KLHL1: variants seen among roughly 807,000 people sequenced by gnomAD.
KLHL1 encodes kelch like family member 1.
A neutral mutation model predicts 77.7 loss-of-function variants in KLHL1; 47 were observed. That is an observed-to-expected ratio of 0.60 (90% CI 0.48 to 0.77). The LOEUF is 0.77. Ranked by LOEUF, KLHL1 falls within the 30% of genes least tolerant of loss-of-function variation. The pLI, the probability that KLHL1 is intolerant of heterozygous loss-of-function variation, is 0.00. For synonymous variants in KLHL1, 360 were observed against 325.2 expected (o/e 1.11, Z -1.15); for missense variants, 925 against 910.8 (o/e 1.02, Z -0.20).
At chr13:69,710,161 T>C (rs1875811781) in intron 9 of KLHL1, among the ~76,000 whole-genome samples, 2 of 151,804 alleles carry the variant, frequency 1.3e-5, no homozygotes, top group Non-Finnish European at 2.9e-5. Context: ...AATAAACTAA[T>C]TTCCAAAGGT....
rs996027717 is a variant in KLHL1 at position 69,876,960 on chromosome 13, C to T, written c.1227+5323G>A. ...GCTGAGGCAGGAGAATCGCTTGAAC[C>T]TGCGAGGCAGAGGTTGCAGTGAGCC... On this transcript the variant is annotated intron_variant, in intron 5 of 10. Coordinates refer to ENST00000377844, the MANE Select transcript of KLHL1 (RefSeq NM_020866.3). Among the ~76,000 whole-genome samples the T allele has an allele frequency of 4.5e-4, 68 of 152,226 alleles. 1 individual carries two copies. Among genetic ancestry groups the T allele is most frequent in the African/African-American group, 1.5e-3 (63 of 41,540 alleles).
intron 1 of KLHL1, 95 bp from the exon 2 acceptor site, chr13:69,975,897 T>C: frequency 7.5e-7 from 1 of 1,338,798 alleles, no homozygotes; most frequent in Non-Finnish European, 9.6e-7. Flanking sequence ...TTTATCATTT[T>C]CTTAAGAAAA....
At chr13:69,755,093 C>G (rs1206258258) in intron 7 of KLHL1, among the ~76,000 whole-genome samples, 4 of 152,004 alleles carry the variant, frequency 2.6e-5, no homozygotes, top group African/African-American at 9.7e-5. Context: ...GGAGGTGGAG[C>G]CTGGTGGGAA....
chr13:69,865,459 T>G (rs766583454), intron 5 of KLHL1, among the ~76,000 whole-genome samples: 11 of 152,190 alleles, frequency 7.2e-5, no homozygotes, highest in Non-Finnish European at 1.5e-4. Flanking sequence ...GTTATTTACA[T>G]GTAAATGATG....
intron 6 of KLHL1, among the ~76,000 whole-genome samples, chr13:69,826,781 T>TG (rs11372220): frequency 0.23 from 34,759 of 151,966 alleles, 5,331 homozygotes; most frequent in African/African-American, 0.44. Context: ...GTTTTTTTCA[T>TG]TAAATAATGT....
At chr13:70,032,177 A>C (rs1294851436) in intron 1 of KLHL1, among the ~76,000 whole-genome samples, 2 of 152,194 alleles carry the variant, frequency 1.3e-5, no homozygotes, top group African/African-American at 2.4e-5. Context: ...TAGCACACTT[A>C]ATAGATGCTA....
intron 1 of KLHL1, among the ~76,000 whole-genome samples, chr13:70,087,571 T>C (rs1486092091): frequency 6.6e-6 from 1 of 150,538 alleles, no homozygotes; most frequent in African/African-American, 2.4e-5. Context: ...AACTTAGTTG[T>C]GATGAGAACA....
intron 4 of KLHL1, among the ~76,000 whole-genome samples, chr13:69,889,182 C>T (rs749112796): frequency 6.6e-6 from 1 of 152,034 alleles, no homozygotes; most frequent in Non-Finnish European, 1.5e-5. Context: ...TGACATATTG[C>T]TGTCAAGATT....
chr13:70,001,535 T>G (rs2137325970), intron 1 of KLHL1, among the ~76,000 whole-genome samples: 1 of 151,308 alleles, frequency 6.6e-6, no homozygotes, highest in South Asian at 2.1e-4. Flanking sequence ...TTATTTCAGG[T>G]TTGCAAGAAC....
At chr13:69,901,942 C>T (rs956107850) in intron 4 of KLHL1, among the ~76,000 whole-genome samples, 2 of 151,958 alleles carry the variant, frequency 1.3e-5, no homozygotes, top group Non-Finnish European at 2.9e-5. Context: ...GGGTTACAAG[C>T]ATGTACCACC....
intron 4 of KLHL1, among the ~76,000 whole-genome samples, chr13:69,920,409 T>C (rs1408042276): frequency 6.6e-6 from 1 of 152,042 alleles, no homozygotes; most frequent in Non-Finnish European, 1.5e-5. Context: ...CAGTACCCAA[T>C]AAAATGGTAT....
chr13:69,925,442 C>T (rs1882783816), intron 4 of KLHL1, among the ~76,000 whole-genome samples: 1 of 152,050 alleles, frequency 6.6e-6, no homozygotes, highest in Non-Finnish European at 1.5e-5. Context: ...AATTGTAATT[C>T]TTTGCTTTTT....
At chr13:69,998,370 G>C (rs961351595) in intron 1 of KLHL1, among the ~76,000 whole-genome samples, 11 of 151,934 alleles carry the variant, frequency 7.2e-5, no homozygotes, top group Admixed American at 2.0e-4. Flanking sequence ...TTGTGTGGGA[G>C]CACAATTATA....
chr13:69,959,338 A>T (rs1454297123), intron 3 of KLHL1, among the ~76,000 whole-genome samples: 2 of 151,958 alleles, frequency 1.3e-5, no homozygotes, highest in Non-Finnish European at 2.9e-5. Context: ...AGGATTCCTA[A>T]AATGTTAGCT....
At chr13:69,948,779 T>A (rs1386936674) in intron 3 of KLHL1, among the ~76,000 whole-genome samples, 2 of 152,012 alleles carry the variant, frequency 1.3e-5, no homozygotes, top group African/African-American at 2.4e-5. Context: ...AGAGTATCCA[T>A]CTTTCATCTA....
intron 4 of KLHL1, among the ~76,000 whole-genome samples, chr13:69,888,848 A>G (rs1289386752): frequency 6.6e-6 from 1 of 152,058 alleles, no homozygotes; most frequent in Non-Finnish European, 1.5e-5. Context: ...AAAAATCTCA[A>G]ATAAACTTAA....
intron 1 of KLHL1, among the ~76,000 whole-genome samples, chr13:69,988,114 C>G (rs1884926215): frequency 2.6e-5 from 4 of 151,810 alleles, no homozygotes; most frequent in African/African-American, 7.3e-5. Context: ...CTCCTTCCTC[C>G]CATCCTACAC....
chr13:70,084,281 T>C (rs1264807744), intron 1 of KLHL1, among the ~76,000 whole-genome samples: 2 of 152,144 alleles, frequency 1.3e-5, no homozygotes, highest in Non-Finnish European at 2.9e-5. Context: ...CTAAGTACTT[T>C]ATAACTATAC....
At chr13:69,869,055 A>G (rs1397333460) in intron 5 of KLHL1, among the ~76,000 whole-genome samples, 1 of 152,112 alleles carries the variant, frequency 6.6e-6, no homozygotes, top group East Asian at 1.9e-4. Flanking sequence ...CGGCAGCTAG[A>G]AAATATCGGG....
Sources: allele counts gnomAD v4.1 joint callset (sites outside exome capture counted in the v4.1 genomes callset), GRCh38; gene constraint gnomAD v4.1.1; transcripts MANE v1.5; gene names NCBI Gene and HGNC (gene_info 2026-07-23, HGNC 2026-07-21).